THEMIS: variants seen among roughly 807,000 people sequenced by gnomAD.
THEMIS encodes the protein thymocyte selection associated, also known as protein THEMIS.
In THEMIS, 37 loss-of-function variants were observed where a neutral mutation model predicts 52.6. That is an observed-to-expected ratio of 0.70 (90% CI 0.54 to 0.93). The LOEUF (loss-of-function observed/expected upper bound fraction) is 0.93. Ranked by LOEUF, THEMIS falls within the 40% of genes least tolerant of loss-of-function variation. The pLI is 0.00. For synonymous variants in THEMIS, 292 were observed against 272.7 expected (o/e 1.07, Z -0.70); for missense variants, 808 against 763.1 (o/e 1.06, Z -0.69).
At chr6:127,910,489 G>A (rs1781384309) in intron 1 of THEMIS, among the ~76,000 whole-genome samples, 1 of 152,082 alleles carries the variant, frequency 6.6e-6, no homozygotes, top group African/African-American at 2.4e-5. Context: ...TTCCCACAAC[G>A]TTATTTCCAG....
rs996273861 is a variant in THEMIS, at chr6:127,709,897, G to T, written c.*88C>A. ...TCAAGTTTCTTCTGGAGTCCATTGGGGAATACTCGTTTTTCAGCTAGAAGG... is the reference window on the plus strand; with the variant it reads ...TCAAGTTTCTTCTGGAGTCCATTGGTGAATACTCGTTTTTCAGCTAGAAGG... On this transcript the variant is annotated 3_prime_UTR_variant, in exon 6 of 6. Transcript: ENST00000368248. 2 of 1,170,840 alleles carry T rather than the reference G, an allele frequency of 1.7e-6. No homozygotes were observed. The highest frequency in any genetic ancestry group is 1.4e-5 in the South Asian group (1 of 72,670). The allele number at this position is 1,170,840 out of a possible 1,614,324, so 72.5% of individuals were successfully genotyped here. A position where few individuals can be genotyped will look rare whatever the true frequency, so the allele number is the denominator to read the frequency against.
At chr6:127,821,229 A>G (rs1308259009) in intron 3 of THEMIS, among the ~76,000 whole-genome samples, 3 of 151,836 alleles carry the variant, frequency 2.0e-5, no homozygotes, top group African/African-American at 7.3e-5. Context: ...TTATTTTACA[A>G]TTGGGAAAAT....
At chr6:127,708,093 C>T (rs925880555), downstream of THEMIS, 1 of 152,050 alleles carries the variant, frequency 6.6e-6, no homozygotes, top group Non-Finnish European at 1.5e-5. Flanking sequence ...AAGCAGCCCC[C>T]TCCTTAGTGA....
At chr6:127,824,794 A>G (rs1355523573) in intron 3 of THEMIS, among the ~76,000 whole-genome samples, 4 of 152,116 alleles carry the variant, frequency 2.6e-5, no homozygotes, top group Non-Finnish European at 5.9e-5. Context: ...ACCGGGTGGC[A>G]GGCGCCTGTA....
intron 4 of THEMIS, among the ~76,000 whole-genome samples, chr6:127,811,844 TTGTC>T (rs1164280682): frequency 1.3e-5 from 2 of 152,226 alleles, no homozygotes; most frequent in Non-Finnish European, 2.9e-5. Context: ...TCAAAACTGT[TTGTC>T]TGGGAAGAAA....
In THEMIS at chr6:127,813,171, T is replaced by G. The variant is rs956109481; in HGVS notation, c.1470A>C (p.Leu490=). 6.2e-7 allele frequency: 1 copy of G among 1,613,938 alleles called. No individual in the cohort carries two copies. Among genetic ancestry groups the G allele is most frequent in the Non-Finnish European group, 8.5e-7 (1 of 1,179,986 alleles). The stretch of plus-strand genomic sequence containing the variant: ...TGGGGTTGGCAAAGTCACTTATGAG[T>G]AGGTAAGAGTCTGTAATGTCCTCCT... ...QLEEDITDSY[L]LISDFANPTE... The change falls in exon 4 of 6, where the codon CTA becomes CTC. Residue 490 remains leucine, a synonymous_variant. Transcript: ENST00000368248.
chr6:127,800,025 A>G (rs1777479275), intron 4 of THEMIS, among the ~76,000 whole-genome samples: 1 of 152,218 alleles, frequency 6.6e-6, no homozygotes, highest in Non-Finnish European at 1.5e-5. Context: ...TGAGTCCCTT[A>G]AAATGTTGTT....
intron 1 of THEMIS, among the ~76,000 whole-genome samples, chr6:127,897,701 T>C (rs1781011502): frequency 6.6e-6 from 1 of 151,616 alleles, no homozygotes. Context: ...GGAAAGTAAA[T>C]TGGGTTACTT....
In THEMIS at chr6:127,722,380, T is replaced by A. The variant is rs181604146; in HGVS notation, c.1759-2557A>T. Among the ~76,000 whole-genome samples, 10 of 152,128 alleles carry A rather than the reference T, an allele frequency of 6.6e-5. No homozygotes were observed. The East Asian group carries it at 1.7e-3, about 27-fold the overall frequency. ...TGCACATTATACCCTGGCATCTCTT[T>A]TCTGCTACAATAAAATTCCTACAGT... On this transcript the variant is annotated intron_variant, in intron 4 of 5. Coordinates refer to ENST00000368248, the MANE Select transcript of THEMIS (RefSeq NM_001010923.3).
intron 4 of THEMIS, among the ~76,000 whole-genome samples, chr6:127,801,990 AATTT>A (rs1254636463): frequency 1.3e-5 from 2 of 152,158 alleles, no homozygotes; most frequent in African/African-American, 4.8e-5. Flanking sequence ...GATCACCCTG[AATTT>A]GTTGATTTGG....
intron 4 of THEMIS, among the ~76,000 whole-genome samples, chr6:127,736,943 A>G (rs1214770566): frequency 6.6e-6 from 1 of 152,040 alleles, no homozygotes; most frequent in Non-Finnish European, 1.5e-5. Flanking sequence ...TAAAATTTCT[A>G]AAACAATAAT....
chr6:127,775,156 C>T (rs1776519499), intron 4 of THEMIS, among the ~76,000 whole-genome samples: 1 of 152,138 alleles, frequency 6.6e-6, no homozygotes, highest in African/African-American at 2.4e-5. Context: ...CCTGGCAGCA[C>T]ACCATGAACT....
At chr6:127,698,738 GA>G in the THEMIS span, among the ~76,000 whole-genome samples, 1 of 151,812 alleles carries the variant, frequency 6.6e-6, no homozygotes, top group East Asian at 1.9e-4. Context: ...CTAATGGGTA[GA>G]AGTCCCCACC....
At chr6:127,737,956 A>G (rs1019274590) in intron 4 of THEMIS, among the ~76,000 whole-genome samples, 6 of 152,144 alleles carry the variant, frequency 3.9e-5, no homozygotes, top group South Asian at 4.1e-4. Context: ...GGCTTTAGGG[A>G]AAGAGACTTC....
chr6:127,758,144 T>A (rs1487065602), intron 4 of THEMIS, among the ~76,000 whole-genome samples: 2 of 150,736 alleles, frequency 1.3e-5, no homozygotes, highest in Admixed American at 6.6e-5. Flanking sequence ...ATTACAAAAA[T>A]AAAGAATTAA....
intron 4 of THEMIS, among the ~76,000 whole-genome samples, chr6:127,794,455 T>C (rs1360225050): frequency 6.6e-6 from 1 of 152,212 alleles, no homozygotes; most frequent in Admixed American, 6.5e-5. Flanking sequence ...TCTCCTTTTA[T>C]CAGTTTCAGT....
At chr6:127,789,738 C>T (rs1421511474) in intron 4 of THEMIS, among the ~76,000 whole-genome samples, 2 of 152,110 alleles carry the variant, frequency 1.3e-5, no homozygotes, top group East Asian at 3.8e-4. Context: ...AATCAATAAA[C>T]GTAATCAATC....
At chr6:127,767,089 C>CT (rs528714801) in intron 4 of THEMIS, among the ~76,000 whole-genome samples, 60 of 149,878 alleles carry the variant, frequency 4.0e-4, no homozygotes, top group East Asian at 1.4e-3. Context: ...AAAATATTTT[C>CT]TTTTTTTTTG....
chr6:127,915,091 T>C (rs1277501832), intron 1 of THEMIS, among the ~76,000 whole-genome samples: 1 of 152,160 alleles, frequency 6.6e-6, no homozygotes, highest in East Asian at 1.9e-4. Flanking sequence ...TCCATTTTTG[T>C]CCTATTTTTA....
Sources: gnomAD v4.1 joint callset for allele counts (sites outside exome capture counted in the v4.1 genomes callset) on GRCh38, gnomAD v4.1.1 for gene constraint, MANE v1.5 for transcripts, NCBI Gene and HGNC (gene_info 2026-07-23, HGNC 2026-07-21) for gene names.